Variants in PLAC1 observed in about 807,000 individuals in gnomAD.
PLAC1 encodes the protein placenta-specific protein 1.
For synonymous variants in PLAC1, 68 were observed against 62.1 expected (o/e 1.09, Z -0.44); for missense variants, 136 against 163.2 (o/e 0.83, Z 0.91).
intron 2 of PLAC1, among the ~76,000 whole-genome samples, chrX:134,696,634 T>G (rs745467679): frequency 6.4e-4 from 71 of 111,439 alleles, no homozygotes; most frequent in African/African-American, 2.2e-3. Context: ...AGAATTTAGA[T>G]TGCAAAATTT....
At chrX:134,644,048 A>T (rs2124428436) in intron 1 of PLAC1, among the ~76,000 whole-genome samples, 1 of 111,155 alleles carries the variant, frequency 9.0e-6, no homozygotes, top group African/African-American at 3.3e-5. Flanking sequence ...GCAATACACA[A>T]GTGTTTGTTA....
At chrX:134,682,189 G>A (rs905579950) in intron 2 of PLAC1, among the ~76,000 whole-genome samples, 2 of 112,615 alleles carry the variant, frequency 1.8e-5, no homozygotes, top group African/African-American at 6.4e-5. Flanking sequence ...TTGCGAAATG[G>A]TGATATTTTA....
At chrX:134,581,884 G>A (rs1430463542) in intron 2 of PLAC1, among the ~76,000 whole-genome samples, 1 of 111,636 alleles carries the variant, frequency 9.0e-6, no homozygotes, top group Admixed American at 9.5e-5. Context: ...AATCAAGACT[G>A]GGGTATTAAA....
At chrX:134,635,042 G>A (rs2078277430) in intron 1 of PLAC1, among the ~76,000 whole-genome samples, 1 of 112,098 alleles carries the variant, frequency 8.9e-6, no homozygotes, top group Non-Finnish European at 1.9e-5. Flanking sequence ...CCGATTGGTA[G>A]AGGATACTTT....
At chrX:134,680,530 GAACTA>G (rs2078491218) in intron 2 of PLAC1, among the ~76,000 whole-genome samples, 1 of 96,100 alleles carries the variant, frequency 1.0e-5, no homozygotes, top group Admixed American at 1.2e-4. Context: ...AAACTAAACT[GAACTA>G]AACTAAACTG....
chrX:134,661,597 C>T (rs1394203362), upstream of PLAC1, among the ~76,000 whole-genome samples: 1 of 112,195 alleles, frequency 8.9e-6, no homozygotes, highest in Non-Finnish European at 1.9e-5. Flanking sequence ...TATTTGGAAG[C>T]AAAAGGTGGT....
At chrX:134,616,807 G>A (rs932436103) in intron 1 of PLAC1, among the ~76,000 whole-genome samples, 10 of 106,696 alleles carry the variant, frequency 9.4e-5, no homozygotes, top group Non-Finnish European at 1.5e-4. Flanking sequence ...ACAGAGTCTC[G>A]CTCTGTCACC....
chrX:134,751,229 G>A lies in PLAC1; in HGVS notation n.89+13005C>T, dbSNP rs143144812. Among the ~76,000 whole-genome samples the A allele has an allele frequency of 1.7e-3, 187 of 108,420 alleles. 1 individual carries two copies. In the East Asian group the frequency reaches 0.032, roughly 18 times the overall value. 94.1% of individuals were successfully genotyped at this position (108,420 alleles called of 115,157 possible). A position where few individuals can be genotyped will look rare whatever the true frequency, so the allele number is the denominator to read the frequency against. Reference sequence around the variant, plus strand: ...CACATTTCAAGTACTCAACAGCCACGTGGTGCTGGCGGCTCCTGAATGGGA... The same window carrying A: ...CACATTTCAAGTACTCAACAGCCACATGGTGCTGGCGGCTCCTGAATGGGA... On this transcript the variant is annotated intron_variant and non_coding_transcript_variant, in intron 1 of 2. Coordinates refer to the PLAC1 transcript ENST00000466797.
intron 2 of PLAC1, among the ~76,000 whole-genome samples, chrX:134,590,137 A>G (rs1019331179): frequency 7.3e-5 from 8 of 109,984 alleles, no homozygotes; most frequent in African/African-American, 2.3e-4. Context: ...AGAAGTTGCA[A>G]TGAGCCAAGA....
intron 1 of PLAC1, among the ~76,000 whole-genome samples, chrX:134,741,108 TG>T (rs1427095822): frequency 1.8e-5 from 2 of 112,471 alleles, no homozygotes; most frequent in East Asian, 5.5e-4. Flanking sequence ...TAATGATTTG[TG>T]TACTTTTTGA....
intron 2 of PLAC1, among the ~76,000 whole-genome samples, chrX:134,711,533 C>A (rs1034073825): frequency 8.9e-6 from 1 of 112,323 alleles, no homozygotes; most frequent in African/African-American, 3.2e-5. Flanking sequence ...CTGCTCAAAT[C>A]TTTCTTCAGC....
At chrX:134,611,665 G>T (rs1297062547) in intron 1 of PLAC1, among the ~76,000 whole-genome samples, 1 of 110,023 alleles carries the variant, frequency 9.1e-6, no homozygotes. Flanking sequence ...TTTCGCAAAA[G>T]AATGAATAAG....
In PLAC1 at chrX:134,565,903, G is replaced by T; in HGVS notation, c.*141C>A. The T allele has an allele frequency of 4.5e-6, 2 of 445,024 alleles. No homozygotes were observed. The highest frequency in any genetic ancestry group is 4.5e-5 in the South Asian group (1 of 22,248). 36.7% of individuals were successfully genotyped at this position (445,024 alleles called of 1,213,427 possible). On this transcript the variant is annotated 3_prime_UTR_variant, in exon 3 of 3. Coordinates refer to ENST00000359237, the MANE Select transcript of PLAC1 (RefSeq NM_021796.4). ...CATGAATATAAAAATATAGAAAAAG[G>T]CTTAATTCATGAAGTTGCTATAGGT...
At chrX:134,587,280 C>T (rs977492299) in intron 2 of PLAC1, among the ~76,000 whole-genome samples, 7 of 110,196 alleles carry the variant, frequency 6.4e-5, no homozygotes, top group East Asian at 2.8e-4. Flanking sequence ...GGGCTGGGTG[C>T]GGTGGCTGGG....
chrX:134,714,214 T>C (rs1253144618), intron 2 of PLAC1, among the ~76,000 whole-genome samples: 2 of 111,644 alleles, frequency 1.8e-5, no homozygotes, highest in Non-Finnish European at 1.9e-5. Context: ...CCTTGCTTGT[T>C]GCATTTTCAG....
intron 1 of PLAC1, among the ~76,000 whole-genome samples, chrX:134,753,596 C>G (rs1040583276): frequency 4.6e-5 from 5 of 109,773 alleles, no homozygotes; most frequent in Non-Finnish European, 7.6e-5. Context: ...CAATCAGGGG[C>G]GGGAACGAGA....
intron 1 of PLAC1, among the ~76,000 whole-genome samples, chrX:134,610,179 T>C (rs1041670909): frequency 9.0e-6 from 1 of 111,084 alleles, no homozygotes; most frequent in African/African-American, 3.3e-5. Flanking sequence ...GGTTTCACCA[T>C]GTTGGCCAGG....
chrX:134,736,243 C>A (rs1209069782), intron 1 of PLAC1, among the ~76,000 whole-genome samples: 1 of 109,781 alleles, frequency 9.1e-6, no homozygotes, highest in Non-Finnish European at 1.9e-5. Context: ...TGTGCCACTG[C>A]ACTCCAGCCT....
intron 2 of PLAC1, among the ~76,000 whole-genome samples, chrX:134,665,510 A>G (rs1226515208): frequency 8.9e-6 from 1 of 111,902 alleles, no homozygotes; most frequent in Non-Finnish European, 1.9e-5. Flanking sequence ...TTTAAAAGTT[A>G]GGATATAGCC....
Sources: gnomAD v4.1 joint callset for allele counts (sites outside exome capture counted in the v4.1 genomes callset) on GRCh38, gnomAD v4.1.1 for gene constraint, MANE v1.5 for transcripts, NCBI Gene and HGNC (gene_info 2026-07-23, HGNC 2026-07-21) for gene names.